The following EPHB1 variants were observed in gnomAD, a reference collection of about 807,000 sequenced individuals.
The protein encoded by EPHB1 is EPH receptor B1, also known as ephrin type-B receptor 1.
Under a neutral mutation model 94.4 loss-of-function variants are expected in EPHB1, and 30 were observed. The ratio of observed to expected loss-of-function variants is 0.32; its 90% CI spans 0.24 to 0.43. EPHB1 has a LOEUF of 0.43. Ranked by LOEUF, EPHB1 falls within the 20% of genes least tolerant of loss-of-function variation. The probability of loss-of-function intolerance (pLI) is 1.00; values close to 1 mark genes in which losing one functional copy is unlikely to be tolerated. For missense variants in EPHB1, 1,055 were observed against 1,308.3 expected (o/e 0.81, Z 2.99); for synonymous variants, 522 against 489.1 (o/e 1.07, Z -0.89).
chr3:134,854,564 G>A (rs2037070585), intron 1 of EPHB1, among the ~76,000 whole-genome samples: 1 of 152,116 alleles, frequency 6.6e-6, no homozygotes, highest in African/African-American at 2.4e-5. Flanking sequence ...ATCACAGAGT[G>A]TCCTCTCCAT....
At chr3:135,079,119 A>G (rs7628634) in intron 3 of EPHB1, among the ~76,000 whole-genome samples, 1 of 149,604 alleles carries the variant, frequency 6.7e-6, no homozygotes, top group Non-Finnish European at 1.5e-5. Context: ...ACAAGCAAAA[A>G]CCCCCAAAAA....
intron 1 of EPHB1, among the ~76,000 whole-genome samples, chr3:134,810,067 A>G (rs1387020987): frequency 1.3e-5 from 2 of 152,192 alleles, no homozygotes; most frequent in Non-Finnish European, 2.9e-5. Context: ...TTTGTCAACT[A>G]TTGTGAGCTT....
chr3:134,945,014 A>G (rs2107711487), intron 2 of EPHB1, among the ~76,000 whole-genome samples: 1 of 152,288 alleles, frequency 6.6e-6, no homozygotes, highest in South Asian at 2.1e-4. Context: ...GAAGAGTGAG[A>G]TTCAGCATCT....
intron 4 of EPHB1, among the ~76,000 whole-genome samples, chr3:135,129,111 A>C (rs946639119): frequency 6.6e-6 from 1 of 152,046 alleles, no homozygotes; most frequent in Non-Finnish European, 1.5e-5. Context: ...ATTTGCTCTG[A>C]AAAGCACACA....
At chr3:134,921,650 G>T (rs543593026) in intron 1 of EPHB1, among the ~76,000 whole-genome samples, 2 of 152,200 alleles carry the variant, frequency 1.3e-5, no homozygotes, top group African/African-American at 4.8e-5. Flanking sequence ...AACATAATTA[G>T]ATTCTTAAAG....
At chr3:135,053,363 T>C (rs1256255765) in intron 3 of EPHB1, among the ~76,000 whole-genome samples, 1 of 152,036 alleles carries the variant, frequency 6.6e-6, no homozygotes, top group African/African-American at 2.4e-5. Flanking sequence ...GAAAACAGTT[T>C]GGCAGTTACT....
intron 12 of EPHB1, among the ~76,000 whole-genome samples, chr3:135,227,546 T>A (rs2107722707): frequency 6.6e-6 from 1 of 152,328 alleles, no homozygotes; most frequent in Middle Eastern, 3.4e-3. Flanking sequence ...ACCTTTCCCC[T>A]TCAGCGCCTC....
At chr3:135,052,758 G>A (rs1262334432) in intron 3 of EPHB1, among the ~76,000 whole-genome samples, 1 of 147,340 alleles carries the variant, frequency 6.8e-6, no homozygotes, top group Non-Finnish European at 1.5e-5. Flanking sequence ...CTACTCGGGA[G>A]GCTGAGGCAG....
chr3:135,143,949 C>A (rs544730099), intron 5 of EPHB1, among the ~76,000 whole-genome samples: 12 of 152,206 alleles, frequency 7.9e-5, no homozygotes, highest in Non-Finnish European at 1.5e-4. Context: ...CACACTGCAG[C>A]CTGCCTCCTC....
intron 15 of EPHB1, among the ~76,000 whole-genome samples, chr3:135,250,096 T>C (rs1385502422): frequency 6.6e-6 from 1 of 152,190 alleles, no homozygotes; most frequent in African/African-American, 2.4e-5. Context: ...GTGGGAAATG[T>C]TAATAGGTTC....
chr3:134,988,001 A>G (rs1576297344), intron 3 of EPHB1, among the ~76,000 whole-genome samples: 1 of 152,284 alleles, frequency 6.6e-6, no homozygotes, highest in East Asian at 1.9e-4. Context: ...ATATACTTTT[A>G]TCAGCTCCAT....
chr3:135,139,619 T>C (rs1238150915), intron 5 of EPHB1, among the ~76,000 whole-genome samples: 5 of 152,208 alleles, frequency 3.3e-5, no homozygotes, highest in Non-Finnish European at 7.3e-5. Flanking sequence ...TCACTGAGAC[T>C]GGGATCAGAG....
chr3:135,166,224 T>C, intron 8 of EPHB1, 148 bp downstream of exon 8: 1 of 609,204 alleles, frequency 1.6e-6, no homozygotes, highest in South Asian at 2.2e-5. Context: ...CTAGAATTCT[T>C]TAGATATTTA....
chr3:135,098,562 A>T (rs1938897737), intron 3 of EPHB1, among the ~76,000 whole-genome samples: 1 of 152,082 alleles, frequency 6.6e-6, no homozygotes, highest in Non-Finnish European at 1.5e-5. Context: ...ATTATAAATA[A>T]CACTGTGATG....
chr3:135,024,843 C>T (rs1339249137), intron 3 of EPHB1, among the ~76,000 whole-genome samples: 1 of 152,052 alleles, frequency 6.6e-6, no homozygotes, highest in Admixed American at 6.6e-5. Flanking sequence ...TCAATTTAGA[C>T]ATTGTCTTTT....
chr3:134,941,180 A>G (rs2039109180), intron 2 of EPHB1, among the ~76,000 whole-genome samples: 1 of 152,250 alleles, frequency 6.6e-6, no homozygotes, highest in African/African-American at 2.4e-5. Flanking sequence ...GGAGGGGCCA[A>G]CTATCAAACA....
At position 135,013,689 on chromosome 3, in the gene EPHB1, T is replaced by A. The variant is rs2107750094; in HGVS notation, c.805+61637T>A. Among the ~76,000 whole-genome samples the A allele has an allele frequency of 2.0e-5, 3 of 152,304 alleles. No individual in the cohort carries two copies. In the South Asian group the frequency reaches 6.2e-4, roughly 32 times the overall value. On this transcript the variant is annotated intron_variant, in intron 3 of 15. Transcript: ENST00000398015. ...AGCTCTATAAGGGGGCTAATCTTAT[T>A]TCCAAATATATTCCCAAAGAGAATG...
At chr3:134,939,381 TG>T (rs141210191) in intron 2 of EPHB1, among the ~76,000 whole-genome samples, 35 of 99,642 alleles carry the variant, frequency 3.5e-4, no homozygotes, top group Non-Finnish European at 6.4e-4. Flanking sequence ...GAATGGGGGG[TG>T]GGGGGGTGGC....
chr3:134,805,502 T>C (rs915068160), intron 1 of EPHB1, among the ~76,000 whole-genome samples: 12 of 152,118 alleles, frequency 7.9e-5, no homozygotes, highest in Admixed American at 7.9e-4. Flanking sequence ...GGGCCAATCA[T>C]TGCAAGACCC....
Sources: gnomAD v4.1 joint callset for allele counts (sites outside exome capture counted in the v4.1 genomes callset) on GRCh38, gnomAD v4.1.1 for gene constraint, MANE v1.5 for transcripts, NCBI Gene and HGNC (gene_info 2026-07-23, HGNC 2026-07-21) for gene names.